The following PARD3 variants were observed in gnomAD, a reference collection of about 807,000 sequenced individuals.
PARD3 encodes par-3 family cell polarity regulator, also known as partitioning defective 3 homolog.
Under a neutral mutation model 155.4 loss-of-function variants are expected in PARD3, and 75 were observed. That is an observed-to-expected ratio of 0.48 (90% CI 0.40 to 0.58). PARD3 has a LOEUF of 0.58. PARD3 is among the 20% of genes least tolerant of loss of function. The probability of loss-of-function intolerance (pLI) is 0.00; values close to 1 mark genes in which losing one functional copy is unlikely to be tolerated. For missense variants in PARD3, 1,642 were observed against 1,721.7 expected (o/e 0.95, Z 0.82); for synonymous variants, 576 against 610.5 (o/e 0.94, Z 0.83).
intron 2 of PARD3, among the ~76,000 whole-genome samples, chr10:34,686,597 C>T (rs1053884308): frequency 6.6e-6 from 1 of 151,692 alleles, no homozygotes; most frequent in Non-Finnish European, 1.5e-5. Flanking sequence ...AAAAATTAGC[C>T]AGGCATGGTG....
intron 1 of PARD3, among the ~76,000 whole-genome samples, chr10:34,812,874 G>A (rs559834458): frequency 2.6e-5 from 4 of 151,796 alleles, no homozygotes; most frequent in Non-Finnish European, 4.4e-5. Context: ...CCTTTTCTAC[G>A]CCCTGTGAAA....
At position 34,614,447 on chromosome 10, in the gene PARD3, T is replaced by C. The variant is rs140810801; in HGVS notation, c.222+81871A>G. Among the ~76,000 whole-genome samples the C allele has an allele frequency of 2.4e-3, 369 of 152,366 alleles. 9 individuals are homozygous for C. Among genetic ancestry groups the C allele is most frequent in the Admixed American group, 0.023 (347 of 15,304 alleles). On this transcript the variant is annotated intron_variant, in intron 2 of 24. Coordinates refer to ENST00000374788, the MANE Select transcript of PARD3 (RefSeq NM_001184785.2). ...AGACATTAAAATAAGTGTCCTATTC[T>C]AGGGTAACAAGGCTGATTATGAATG...
intron 5 of PARD3, among the ~76,000 whole-genome samples, chr10:34,427,973 T>C (rs2075707956): frequency 6.6e-6 from 1 of 152,020 alleles, no homozygotes; most frequent in South Asian, 2.1e-4. Flanking sequence ...AAGTGGAATA[T>C]GTGATGGCAA....
intron 16 of PARD3, among the ~76,000 whole-genome samples, chr10:34,339,698 G>A (rs1366151471): frequency 6.6e-6 from 1 of 152,112 alleles, no homozygotes; most frequent in African/African-American, 2.4e-5. Context: ...CATGGCCTTC[G>A]ACAACTGTGC....
At chr10:34,190,646 G>A (rs1950663571) in intron 22 of PARD3, among the ~76,000 whole-genome samples, 1 of 152,100 alleles carries the variant, frequency 6.6e-6, no homozygotes, top group African/African-American at 2.4e-5. Context: ...TCTGCCCTTG[G>A]GAGCCCATGG....
intron 20 of PARD3, among the ~76,000 whole-genome samples, chr10:34,309,937 G>A (rs767632589): frequency 4.7e-5 from 7 of 150,392 alleles, no homozygotes; most frequent in Non-Finnish European, 8.9e-5. Flanking sequence ...AGGTTAATAG[G>A]AGACCTGGTT....
intron 22 of PARD3, among the ~76,000 whole-genome samples, chr10:34,179,134 A>G (rs1212263875): frequency 1.3e-5 from 2 of 152,158 alleles, no homozygotes; most frequent in Non-Finnish European, 2.9e-5. Context: ...AATAGCATAT[A>G]GGGAATTCAT....
chr10:34,793,934 T>C lies in PARD3; in HGVS notation c.120+20942A>G, dbSNP rs938656087. On this transcript the variant is annotated intron_variant, in intron 1 of 24. Transcript: ENST00000374788. ...CTTCAATTAGAGGTAAAGTATCTCA[T>C]TTTAAGAAAAATGGAATGTATTTAA... 1.1e-4 allele frequency among the ~76,000 whole-genome samples: 16 copies of C among 152,216 alleles called. 1 individual carries two copies. The highest frequency in any genetic ancestry group is 3.2e-3 in the Middle Eastern group (1 of 316).
At chr10:34,720,435 A>G (rs1283175709) in intron 1 of PARD3, among the ~76,000 whole-genome samples, 1 of 126,414 alleles carries the variant, frequency 7.9e-6, no homozygotes, top group Non-Finnish European at 1.6e-5. Context: ...TGGGCAACAG[A>G]GCAAGGCTCT....
At chr10:34,732,964 AG>A in intron 1 of PARD3, among the ~76,000 whole-genome samples, 1 of 152,060 alleles carries the variant, frequency 6.6e-6, no homozygotes, top group Non-Finnish European at 1.5e-5. Context: ...CCCACGGAGG[AG>A]CTCCTCTATG....
intron 14 of PARD3, among the ~76,000 whole-genome samples, chr10:34,358,893 G>C (rs760467549): frequency 2.6e-5 from 4 of 152,166 alleles, no homozygotes; most frequent in Non-Finnish European, 5.9e-5. Context: ...TTCAGCTAAA[G>C]GGGCTTTTGA....
At position 34,382,728 on chromosome 10, in the gene PARD3, C is replaced by T. The variant is rs1841979677; in HGVS notation, c.1211G>A (p.Arg404Lys). Residue 404 changes from arginine to lysine, a missense_variant, in exon 9 of 25, where the codon AGA becomes AAA. Coordinates refer to ENST00000374788, the MANE Select transcript of PARD3 (RefSeq NM_001184785.2). ...VNSAGLHTVQ[R>K]APRLNHPPEQ... is the part of the protein sequence containing the mutation. ...AGGCGGGTGGTTCAGTCGGGGTGCT[C>T]TCTGCACCGTGTGAAGCCCTGCACT... 1 of 1,614,050 alleles carries T rather than the reference C, an allele frequency of 6.2e-7. No individual in the cohort carries two copies. The highest frequency in any genetic ancestry group is 8.5e-7 in the Non-Finnish European group (1 of 1,180,016).
At chr10:34,459,267 C>T (rs1017295437) in intron 4 of PARD3, among the ~76,000 whole-genome samples, 20 of 152,080 alleles carry the variant, frequency 1.3e-4, no homozygotes, top group African/African-American at 3.4e-4. Context: ...CCCGGGTTCA[C>T]GCCATCCTCC....
chr10:34,441,783 T>C (rs2076475958), intron 5 of PARD3, among the ~76,000 whole-genome samples: 1 of 152,196 alleles, frequency 6.6e-6, no homozygotes, highest in Non-Finnish European at 1.5e-5. Context: ...TTTTGATCAT[T>C]GTTTTTTTAA....
At chr10:34,524,372 A>G (rs1211748302) in intron 2 of PARD3, among the ~76,000 whole-genome samples, 1 of 152,228 alleles carries the variant, frequency 6.6e-6, no homozygotes, top group Admixed American at 6.5e-5. Context: ...ATTCCACTGC[A>G]TCTGGAAACC....
chr10:34,635,601 A>C (rs1271901537), intron 2 of PARD3, among the ~76,000 whole-genome samples: 1 of 152,182 alleles, frequency 6.6e-6, no homozygotes, highest in African/African-American at 2.4e-5. Context: ...CACACCAACC[A>C]AGTCTGCTAA....
At chr10:34,352,635 G>T (rs1238515398) in intron 14 of PARD3, among the ~76,000 whole-genome samples, 1 of 152,212 alleles carries the variant, frequency 6.6e-6, no homozygotes, top group African/African-American at 2.4e-5. Flanking sequence ...ACGGAGTCTC[G>T]CTCACTCAGT....
intron 1 of PARD3, among the ~76,000 whole-genome samples, chr10:34,764,087 G>C (rs1177262332): frequency 3.3e-5 from 5 of 152,200 alleles, no homozygotes; most frequent in Non-Finnish European, 7.3e-5. Flanking sequence ...CAAGGACTAA[G>C]GTGCATCACC....
At chr10:34,584,296 T>G (rs889692799) in intron 2 of PARD3, among the ~76,000 whole-genome samples, 5 of 152,124 alleles carry the variant, frequency 3.3e-5, no homozygotes, top group Non-Finnish European at 7.4e-5. Flanking sequence ...TCTCAGAATA[T>G]TACAATGCTA....
Sources: allele counts gnomAD v4.1 joint callset (sites outside exome capture counted in the v4.1 genomes callset), GRCh38; gene constraint gnomAD v4.1.1; transcripts MANE v1.5; gene names NCBI Gene and HGNC (gene_info 2026-07-23, HGNC 2026-07-21).